The following FAM120C variants were observed in gnomAD, a reference collection of about 807,000 sequenced individuals.
The protein encoded by FAM120C is family with sequence similarity 120 member C.
FAM120C carries 14 observed loss-of-function variants against 71.2 expected under a neutral mutation model. The observed-to-expected ratio is 0.20, with a 90% CI of 0.13 to 0.31. The LOEUF (loss-of-function observed/expected upper bound fraction) is 0.31, where lower values mean the gene tolerates loss of function less well. Among genes scored for constraint, FAM120C ranks in the 10% least tolerant of loss-of-function variants. The probability of loss-of-function intolerance (pLI) is 1.00; values close to 1 mark genes in which losing one functional copy is unlikely to be tolerated. For missense variants in FAM120C, 500 were observed against 879.0 expected (o/e 0.57, Z 5.45); for synonymous variants, 354 against 353.2 (o/e 1.00, Z -0.03).
chrX:54,170,168 C>T (rs992927602), intron 1 of FAM120C, among the ~76,000 whole-genome samples: 1 of 111,239 alleles, frequency 9.0e-6, no homozygotes, highest in Non-Finnish European at 1.9e-5. Context: ...TGGAGTTTTG[C>T]TCTTGTTGCC....
Position 54,157,737 on chromosome X carries a change from A to C in FAM120C, c.981T>G (p.Ala327=), listed in dbSNP as rs1557133901. ...NHILPDEDLA[A]FHWSLLGPEH... Reference sequence around the variant, plus strand: ...CTGGTCCCAAGAGGCTCCAGTGAAAAGCAGCCAGGTCCTCATCTGGGAGGA... The same window carrying C: ...CTGGTCCCAAGAGGCTCCAGTGAAACGCAGCCAGGTCCTCATCTGGGAGGA... The change falls in exon 3 of 16, where the codon GCT becomes GCG. Residue 327 remains alanine, a synonymous_variant. Transcript: ENST00000375180. The C allele has an allele frequency of 8.3e-7, 1 of 1,208,392 alleles. No individual in the cohort carries two copies. Among genetic ancestry groups the C allele is most frequent in the South Asian group, 1.8e-5 (1 of 56,689 alleles).
rs1360702588 is a variant in FAM120C, at chrX:54,072,912, T to C, written c.*121A>G. The C allele has an allele frequency of 2.2e-5, 20 of 896,254 alleles. No individual in the cohort carries two copies. Among genetic ancestry groups the C allele is most frequent in the Non-Finnish European group, 2.9e-5 (19 of 655,641 alleles). 73.9% of individuals were successfully genotyped at this position (896,254 alleles called of 1,213,427 possible). A position where few individuals can be genotyped will look rare whatever the true frequency, so the allele number is the denominator to read the frequency against. On this transcript the variant is annotated 3_prime_UTR_variant, in exon 16 of 16. Coordinates refer to ENST00000375180, the MANE Select transcript of FAM120C (RefSeq NM_017848.6). ...GGGAAAAGATGGACACAATAGGACA[T>C]CCCACCAAAATCCTGGAGAAATCTA...
At chrX:54,150,523 T>C (rs1209272624) in intron 4 of FAM120C, among the ~76,000 whole-genome samples, 2 of 111,755 alleles carry the variant, frequency 1.8e-5, no homozygotes, top group African/African-American at 6.5e-5. Flanking sequence ...GGTCTTGCTA[T>C]GTTGCTCAGG....
chrX:54,116,500 A>G (rs781896326), intron 10 of FAM120C, 45 bp downstream of exon 10: 7 of 1,163,600 alleles, frequency 6.0e-6, no homozygotes, highest in African/African-American at 3.6e-5. Context: ...AATATAAAAA[A>G]AGTAAAAGAG....
At chrX:54,140,952 A>G (rs914046427) in intron 4 of FAM120C, among the ~76,000 whole-genome samples, 18 of 110,669 alleles carry the variant, frequency 1.6e-4, no homozygotes, top group Middle Eastern at 4.6e-3. Flanking sequence ...AAAAAAAAAA[A>G]AAAGAAAGAA....
At chrX:54,175,944 AT>A in intron 1 of FAM120C, among the ~76,000 whole-genome samples, 1 of 111,817 alleles carries the variant, frequency 8.9e-6, no homozygotes, top group Admixed American at 9.5e-5. Flanking sequence ...ATAGGAAAAA[AT>A]GTTCTAGAAA....
At chrX:54,135,156 G>T (rs782517373) in intron 6 of FAM120C, 45 bp from the exon 7 acceptor site, 16 of 1,127,030 alleles carry the variant, frequency 1.4e-5, no homozygotes, top group Non-Finnish European at 1.9e-5. Flanking sequence ...ATTTTATAAG[G>T]CTCCAAGGTG....
chrX:54,069,142 T>G lies in FAM120C; in HGVS notation c.*3891A>C, dbSNP rs1290075973. On this transcript the variant is annotated 3_prime_UTR_variant, in exon 16 of 16. Coordinates refer to ENST00000375180, the MANE Select transcript of FAM120C (RefSeq NM_017848.6). Reference sequence around the variant, plus strand: ...ATTCTTAGAACATCAAAATAACCTCTGACAATATTCAAGATAATTAGCAGT... The same window carrying G: ...ATTCTTAGAACATCAAAATAACCTCGGACAATATTCAAGATAATTAGCAGT... The G allele has an allele frequency of 9.0e-6, 1 of 111,591 alleles. No homozygotes were observed. Among genetic ancestry groups the G allele is most frequent in the African/African-American group, 3.3e-5 (1 of 30,718 alleles). 9.2% of individuals were successfully genotyped at this position (111,591 alleles called of 1,213,427 possible). A position where few individuals can be genotyped will look rare whatever the true frequency, so the allele number is the denominator to read the frequency against.
intron 13 of FAM120C, among the ~76,000 whole-genome samples, chrX:54,084,133 A>G (rs2066782058): frequency 8.9e-6 from 1 of 112,131 alleles, no homozygotes; most frequent in Non-Finnish European, 1.9e-5. Flanking sequence ...GAGACTAAGC[A>G]TCACTGGTAG....
chrX:54,154,072 T>TA (rs2067197514), intron 3 of FAM120C, among the ~76,000 whole-genome samples: 1 of 109,254 alleles, frequency 9.2e-6, no homozygotes, highest in Non-Finnish European at 1.9e-5. Flanking sequence ...GCTCTCCTGT[T>TA]ATATTGAGAA....
chrX:54,152,603 A>G (rs1557133151), intron 3 of FAM120C, among the ~76,000 whole-genome samples: 2 of 112,898 alleles, frequency 1.8e-5, no homozygotes, highest in South Asian at 3.6e-4. Context: ...TTCATAAACT[A>G]TAAGTATGAC....
rs782594229 is a variant in FAM120C at position 54,150,930 on chromosome X, G to T, written c.1158+315C>A. 1.6e-4 allele frequency among the ~76,000 whole-genome samples: 18 copies of T among 109,957 alleles called. No homozygotes were observed. The South Asian group carries it at 3.1e-3, about 19-fold the overall frequency. On this transcript the variant is annotated intron_variant, in intron 4 of 15. Transcript: ENST00000375180. ...GGATTTCATCATGTTGGCCAGGCTG[G>T]TCTTGAACTTCTGACCTCAAGTGAT...
In FAM120C at chrX:54,072,994, T is replaced by A. The variant is rs782313813; in HGVS notation, c.*39A>T. On this transcript the variant is annotated 3_prime_UTR_variant, in exon 16 of 16. Transcript: ENST00000375180. ...GCCTAAAATCAGAAAAGTAAAAGTT[T>A]TTCCCTCTTCCTGGTTTGGTGAAGC... The A allele has an allele frequency of 6.9e-6, 8 of 1,166,930 alleles. No homozygotes were observed. The highest frequency in any genetic ancestry group is 9.2e-6 in the Non-Finnish European group (8 of 872,450).
chrX:54,091,623 T>C (rs1288448218), intron 10 of FAM120C, among the ~76,000 whole-genome samples, 197 bp from the exon 11 acceptor site: 1 of 111,789 alleles, frequency 8.9e-6, no homozygotes, highest in Non-Finnish European at 1.9e-5. Context: ...ACATCAACAA[T>C]GACAGGACAG....
intron 9 of FAM120C, among the ~76,000 whole-genome samples, chrX:54,118,335 G>A (rs188507327): frequency 1.8e-5 from 2 of 110,427 alleles, no homozygotes; most frequent in Admixed American, 9.8e-5. Context: ...AATATTCCAT[G>A]GCAAGAATGC....
chrX:54,130,365 T>C (rs2067060131), intron 9 of FAM120C, among the ~76,000 whole-genome samples: 1 of 111,838 alleles, frequency 8.9e-6, no homozygotes, highest in South Asian at 3.8e-4. Flanking sequence ...TGGTGGCTGT[T>C]GTGAAATCCT....
At chrX:54,152,614 G>A (rs1475223008) in intron 3 of FAM120C, among the ~76,000 whole-genome samples, 11 of 112,689 alleles carry the variant, frequency 9.8e-5, no homozygotes, top group African/African-American at 1.3e-4. Context: ...TAAGTATGAC[G>A]TCTTGCCCAC....
At chrX:54,114,642 T>C (rs1298604809) in intron 10 of FAM120C, among the ~76,000 whole-genome samples, 1 of 111,490 alleles carries the variant, frequency 9.0e-6, no homozygotes, top group Non-Finnish European at 1.9e-5. Context: ...TTTTGCCATG[T>C]TGGCCAGGCT....
Position 54,183,246 on chromosome X carries a change from C to T in FAM120C, c.-48G>A. On this transcript the variant is annotated 5_prime_UTR_variant, in exon 1 of 16. Coordinates refer to ENST00000375180, the MANE Select transcript of FAM120C (RefSeq NM_017848.6). ...ATAGCGGCTGCGCAAGCAGGATAGG[C>T]GACGATCTGGGCGCGAAGCTGGGGG... is the stretch of plus-strand genomic sequence containing the variant. 1.1e-6 allele frequency: 1 copy of T among 944,987 alleles called. No individual in the cohort carries two copies. The highest frequency in any genetic ancestry group is 1.3e-6 in the Non-Finnish European group (1 of 744,545). The allele number at this position is 944,987 out of a possible 1,213,427, so 77.9% of individuals were successfully genotyped here.
Sources: allele counts gnomAD v4.1 joint callset (sites outside exome capture counted in the v4.1 genomes callset), GRCh38; gene constraint gnomAD v4.1.1; transcripts MANE v1.5; gene names NCBI Gene and HGNC (gene_info 2026-07-23, HGNC 2026-07-21).